Variants in PRKAG2 observed in about 807,000 individuals in gnomAD.
PRKAG2 encodes the protein protein kinase AMP-activated non-catalytic subunit gamma 2, also known as 5'-AMP-activated protein kinase subunit gamma-2.
PRKAG2 carries 26 observed loss-of-function variants against 69.6 expected under a neutral mutation model. The ratio of observed to expected loss-of-function variants is 0.37; its 90% CI spans 0.27 to 0.52. PRKAG2 has a LOEUF of 0.52. PRKAG2 is among the 20% of genes least tolerant of loss of function. The pLI is 0.90. For missense variants in PRKAG2, 557 were observed against 740.0 expected (o/e 0.75, Z 2.87); for synonymous variants, 293 against 285.0 (o/e 1.03, Z -0.28).
intron 1 of PRKAG2, among the ~76,000 whole-genome samples, chr7:151,875,007 A>C (rs981573686): frequency 3.3e-5 from 5 of 152,284 alleles, no homozygotes; most frequent in African/African-American, 1.2e-4. Flanking sequence ...AACAGTAGTT[A>C]CACGGTTAGC....
At chr7:151,576,328 C>G (rs778391924) in intron 7 of PRKAG2, 43 bp downstream of exon 7, 4 of 1,483,016 alleles carry the variant, frequency 2.7e-6, no homozygotes, top group Middle Eastern at 1.7e-4. Flanking sequence ...TTTCTGCTTT[C>G]AAGGTTTCCA....
At chr7:151,740,914 T>C (rs1253791941) in intron 3 of PRKAG2, among the ~76,000 whole-genome samples, 1 of 152,224 alleles carries the variant, frequency 6.6e-6, no homozygotes, top group Non-Finnish European at 1.5e-5. Flanking sequence ...TACTGATGGA[T>C]TATTTCTGCT....
chr7:151,834,569 G>A (rs529409207), intron 1 of PRKAG2, among the ~76,000 whole-genome samples: 4 of 152,290 alleles, frequency 2.6e-5, no homozygotes, highest in South Asian at 2.1e-4. Flanking sequence ...AGAGTCTTCC[G>A]GGCTGAACAT....
intron 3 of PRKAG2, among the ~76,000 whole-genome samples, chr7:151,752,995 T>C (rs1261174853): frequency 6.6e-6 from 1 of 152,234 alleles, no homozygotes; most frequent in East Asian, 1.9e-4. Context: ...CCTGCTGGGA[T>C]GCAGAAGCCC....
chr7:151,609,910 G>A (rs1405178587), intron 5 of PRKAG2, among the ~76,000 whole-genome samples: 1 of 152,198 alleles, frequency 6.6e-6, no homozygotes, highest in Admixed American at 6.5e-5. Context: ...CACGATCTGG[G>A]TGACTGACTG....
intron 3 of PRKAG2, among the ~76,000 whole-genome samples, chr7:151,727,631 G>A (rs1199139972): frequency 6.6e-6 from 1 of 152,144 alleles, no homozygotes; most frequent in Non-Finnish European, 1.5e-5. Flanking sequence ...GCTGCTCAGA[G>A]GTCACTCCAG....
intron 1 of PRKAG2, among the ~76,000 whole-genome samples, chr7:151,853,813 A>C (rs1442014487): frequency 6.6e-6 from 1 of 151,908 alleles, no homozygotes; most frequent in African/African-American, 2.4e-5. Context: ...GTTTAACCTA[A>C]TATTATCACC....
At position 151,670,893 on chromosome 7, in the gene PRKAG2, C is replaced by T. The variant is rs938047271; in HGVS notation, c.684+4527G>A. On this transcript the variant is annotated intron_variant, in intron 4 of 15. Coordinates refer to ENST00000287878, the MANE Select transcript of PRKAG2 (RefSeq NM_016203.4). ...ACATGATAAAATGAGTGCTGTTGGC[C>T]GCGCGTGGTTGGCTCACGCCTATAA... Among the ~76,000 whole-genome samples the T allele has an allele frequency of 1.8e-4, 15 of 81,836 alleles. No homozygotes were observed. In the South Asian group the frequency reaches 5.4e-3, roughly 29 times the overall value. 53.7% of individuals were successfully genotyped at this position (81,836 alleles called of 152,430 possible).
rs369318000 is a variant in PRKAG2, at chr7:151,632,559, G to A, written c.685-421C>T. ...GCGGCCCGCCCCCACTCCGCCCCCC[G>A]GCGCCGCTCACCTTCCCAGCACCGG... On this transcript the variant is annotated intron_variant, in intron 4 of 15. Transcript: ENST00000287878. This position sits in a 1 kb window ranked among gnomAD's most constrained non-coding sequence, Gnocchi z 4.2. 28 of 982,890 alleles carry A rather than the reference G, an allele frequency of 2.8e-5. No homozygotes were observed. In the East Asian group the frequency reaches 2.1e-3, roughly 74 times the overall value. The allele number at this position is 982,890 out of a possible 1,614,324, so 60.9% of individuals were successfully genotyped here. A position where few individuals can be genotyped will look rare whatever the true frequency, so the allele number is the denominator to read the frequency against.
At chr7:151,639,769 G>A (rs1330058802) in intron 4 of PRKAG2, among the ~76,000 whole-genome samples, 1 of 152,126 alleles carries the variant, frequency 6.6e-6, no homozygotes, top group Non-Finnish European at 1.5e-5. Context: ...ACTGAGCCAC[G>A]CTACCATTAC....
intron 1 of PRKAG2, among the ~76,000 whole-genome samples, chr7:151,816,529 T>C (rs559913212): frequency 3.3e-5 from 5 of 152,288 alleles, no homozygotes; most frequent in African/African-American, 1.2e-4. Flanking sequence ...AGGGCTGCTG[T>C]TGGGATCATG....
chr7:151,616,724 C>T (rs996978467), intron 5 of PRKAG2, among the ~76,000 whole-genome samples: 6 of 152,206 alleles, frequency 3.9e-5, no homozygotes, highest in South Asian at 2.1e-4. Flanking sequence ...GGAGCCTTCA[C>T]GGCCAAGGGG....
chr7:151,703,197 A>C (rs181420032), intron 3 of PRKAG2, among the ~76,000 whole-genome samples: 6 of 152,330 alleles, frequency 3.9e-5, no homozygotes, highest in African/African-American at 1.4e-4. Flanking sequence ...CGCGCGAAGC[A>C]AAGAAGGAAA....
chr7:151,762,070 A>C (rs995288987), intron 3 of PRKAG2, among the ~76,000 whole-genome samples: 1 of 152,244 alleles, frequency 6.6e-6, no homozygotes, highest in Non-Finnish European at 1.5e-5. Context: ...AGGTTCTGCT[A>C]TGAAGAAACA....
intron 6 of PRKAG2, among the ~76,000 whole-genome samples, chr7:151,592,583 G>C (rs1585097862): frequency 6.6e-6 from 1 of 152,122 alleles, no homozygotes; most frequent in Non-Finnish European, 1.5e-5. Context: ...CAAGTGGCTC[G>C]CCTTGGTCCC....
intron 3 of PRKAG2, among the ~76,000 whole-genome samples, chr7:151,779,667 G>T (rs1235869989): frequency 6.6e-6 from 1 of 152,224 alleles, no homozygotes; most frequent in Non-Finnish European, 1.5e-5. Flanking sequence ...AAGCCTGCTT[G>T]CCTCTGACTA....
intron 3 of PRKAG2, among the ~76,000 whole-genome samples, chr7:151,711,808 T>C (rs756312487): frequency 4.6e-5 from 7 of 152,224 alleles, no homozygotes; most frequent in Non-Finnish European, 1.0e-4. Flanking sequence ...TGAGAGCCGC[T>C]AGCCTGTCTC....
chr7:151,632,923 G>T lies in PRKAG2; in HGVS notation c.685-785C>A, dbSNP rs1825043949. 6.6e-6 allele frequency: 1 copy of T among 152,118 alleles called. No homozygotes were observed. Among genetic ancestry groups the T allele is most frequent in the African/African-American group, 2.4e-5 (1 of 41,422 alleles). 9.4% of individuals were successfully genotyped at this position (152,118 alleles called of 1,614,324 possible). A position where few individuals can be genotyped will look rare whatever the true frequency, so the allele number is the denominator to read the frequency against. ...ACACACCCTGAATCTGGCCCTGGCC[G>T]CTCAGGAGCTGGGTATCTGAGACTC... On this transcript the variant is annotated intron_variant, in intron 4 of 15. Coordinates refer to ENST00000287878, the MANE Select transcript of PRKAG2 (RefSeq NM_016203.4). The surrounding 1 kb of genome is among the most constrained non-coding windows in gnomAD (Gnocchi z 4.2).
chr7:151,565,910 T>A (rs1343133137), intron 11 of PRKAG2, 25 bp from the exon 12 acceptor site: 3 of 1,603,622 alleles, frequency 1.9e-6, no homozygotes, highest in Admixed American at 3.3e-5. Context: ...AACGCAAACG[T>A]TCTAGACCCA....
Sources: allele counts gnomAD v4.1 joint callset (sites outside exome capture counted in the v4.1 genomes callset), GRCh38; gene constraint gnomAD v4.1.1; non-coding constraint Gnocchi (gnomAD v3.1); transcripts MANE v1.5; gene names NCBI Gene and HGNC (gene_info 2026-07-23, HGNC 2026-07-21).